Variants in OSGEPL1 observed in about 807,000 individuals in gnomAD.
The protein encoded by OSGEPL1 is O-sialoglycoprotein endopeptidase like 1.
In OSGEPL1, 26 loss-of-function variants were observed where a neutral mutation model predicts 37.2. That is an observed-to-expected ratio of 0.70 (90% CI 0.51 to 0.97). The LOEUF (loss-of-function observed/expected upper bound fraction) is 0.97, where lower values mean the gene tolerates loss of function less well. OSGEPL1 is among the 50% of genes least tolerant of loss of function. The pLI, the probability that OSGEPL1 is intolerant of heterozygous loss-of-function variation, is 0.00. For synonymous variants in OSGEPL1, 140 were observed against 159.9 expected, an observed-to-expected ratio of 0.88 and a Z score of 0.94; for missense variants, 404 against 487.0, an observed-to-expected ratio of 0.83 and a Z score of 1.60.
upstream of OSGEPL1, chr2:189,763,150 T>G (rs1225116): frequency 1 from 980,823 of 985,084 alleles, 488,401 homozygotes; most frequent in East Asian, 1. Context: ...AAATCTAAAC[T>G]TAGGGGTGAG....
rs747608806 is a variant in OSGEPL1 at position 189,746,673 on chromosome 2, T to A, written c.*524A>T. The A allele has an allele frequency of 3.3e-6, 5 of 1,517,854 alleles. No individual in the cohort carries two copies. The highest frequency in any genetic ancestry group is 2.7e-5 in the South Asian group (2 of 74,112). The allele number at this position is 1,517,854 out of a possible 1,614,324, so 94.0% of individuals were successfully genotyped here. A position where few individuals can be genotyped will look rare whatever the true frequency, so the allele number is the denominator to read the frequency against. ...GGATTCCTGAGCCATCTTTTAAAAATTTTTTTATTTTTAATAATGGTAATA... is the reference window on the plus strand; with the variant it reads ...GGATTCCTGAGCCATCTTTTAAAAAATTTTTTATTTTTAATAATGGTAATA... On this transcript the variant is annotated 3_prime_UTR_variant, in exon 9 of 9. Transcript: ENST00000264151.
intron 8 of OSGEPL1, among the ~76,000 whole-genome samples, chr2:189,748,371 T>A (rs2044495489): frequency 6.6e-6 from 1 of 152,054 alleles, no homozygotes; most frequent in Non-Finnish European, 1.5e-5. Flanking sequence ...TTATGCTGAG[T>A]GTGGTGGTAC....
At chr2:189,749,244 TAAAAAAA>T (rs397987026) in intron 8 of OSGEPL1, among the ~76,000 whole-genome samples, 1 of 63,254 alleles carries the variant, frequency 1.6e-5, no homozygotes, top group Non-Finnish European at 2.7e-5. Flanking sequence ...AGACTCTGTC[TAAAAAAA>T]AAAAAAAAAA....
At position 189,752,955 on chromosome 2, in the gene OSGEPL1, T is replaced by C. The variant is rs748107005; in HGVS notation, c.988A>G (p.Asn330Asp). 6.2e-7 allele frequency: 1 copy of C among 1,612,668 alleles called. No homozygotes were observed. Among genetic ancestry groups the C allele is most frequent in the Non-Finnish European group, 8.5e-7 (1 of 1,179,518 alleles). Residue 330 changes from asparagine to aspartate, a missense_variant, in exon 6 of 9, where the codon AAC (asparagine) becomes GAC (aspartate). Asn to Asp is a conservative substitution (Grantham distance 23). Coordinates refer to ENST00000264151, the MANE Select transcript of OSGEPL1 (RefSeq NM_022353.3). ...TCCAGAGCTCTGCGGATATAGAAGT[T>C]ACTTGCGACACCACCAGATGCAACC... ...VLVASGGVAS[N>D]FYIRRALEIL... is the part of the protein sequence containing the mutation.
chr2:189,752,811 C>T, intron 6 of OSGEPL1, 38 bp downstream of exon 6: 1 of 1,613,306 alleles, frequency 6.2e-7, no homozygotes, highest in Non-Finnish European at 8.5e-7. Context: ...TTAATATTTA[C>T]ATAGTTATGA....
rs377465918 is a variant in OSGEPL1, at chr2:189,755,504, C to G, written c.278G>C (p.Arg93Pro). The G allele has an allele frequency of 1.2e-6, 2 of 1,601,788 alleles. No individual in the cohort carries two copies. Among genetic ancestry groups the G allele is most frequent in the Non-Finnish European group, 1.7e-6 (2 of 1,176,756 alleles). ...AQQLHRENIQ[R>P]IVQEALSASG... ...GGCAGAAAGAGCTTCTTGTACTATT[C>G]GTTGAATATTTTCTCTGTGAAGCTG... Residue 93 changes from arginine to proline, a missense_variant, in exon 3 of 9, where the codon CGA becomes CCA. By Grantham distance (103) the Arg-to-Pro change is moderately radical (BLOSUM62 -2). Coordinates refer to ENST00000264151, the MANE Select transcript of OSGEPL1 (RefSeq NM_022353.3).
intron 8 of OSGEPL1, among the ~76,000 whole-genome samples, chr2:189,748,955 T>A (rs114745029): frequency 0.016 from 2,478 of 152,244 alleles, 66 homozygotes; most frequent in African/African-American, 0.056. Context: ...CTATAAAGAT[T>A]ATTTTTATTG....
intron 2 of OSGEPL1, among the ~76,000 whole-genome samples, chr2:189,757,726 A>G (rs899066523): frequency 6.6e-6 from 1 of 152,216 alleles, no homozygotes; most frequent in Non-Finnish European, 1.5e-5. Flanking sequence ...GGCAAGAGTC[A>G]TATGTCTCAT....
intron 7 of OSGEPL1, among the ~76,000 whole-genome samples, chr2:189,751,822 A>G (rs1472103800): frequency 1.3e-4 from 2 of 15,606 alleles, no homozygotes; most frequent in Non-Finnish European, 3.4e-4. Context: ...GTCTTTTACT[A>G]TTCCAGAATT....
upstream of OSGEPL1, chr2:189,762,886 G>T (rs1000017156): frequency 3.0e-6 from 3 of 985,308 alleles, no homozygotes; most frequent in African/African-American, 5.2e-5. Context: ...GGCCGTCTTT[G>T]CCCAAAACGC....
chr2:189,747,680 TTTAC>T (rs1369215902), intron 8 of OSGEPL1, among the ~76,000 whole-genome samples: 44 of 151,928 alleles, frequency 2.9e-4, no homozygotes, highest in African/African-American at 9.4e-4. Flanking sequence ...TGTACTTTAT[TTTAC>T]TTACTTACTT....
At chr2:189,755,006 A>C in intron 3 of OSGEPL1, 167 bp downstream of exon 3, 1 of 732,934 alleles carries the variant, frequency 1.4e-6, no homozygotes, top group East Asian at 2.8e-5. Context: ...AAGAATTATA[A>C]AATTGTGTAC....
rs1574951789 is a variant in OSGEPL1, at chr2:189,762,783, C to T, written c.-119G>A. The T allele has an allele frequency of 2.0e-6, 2 of 985,434 alleles. No individual in the cohort carries two copies. The highest frequency in any genetic ancestry group is 2.4e-6 in the Non-Finnish European group (2 of 830,046). 61.0% of individuals were successfully genotyped at this position (985,434 alleles called of 1,614,324 possible). The stretch of plus-strand genomic sequence containing the variant: ...CAGGAGAAAGCCCGAACCTGGCGCC[C>T]GGAAGTGATGTCATCGGAACTGTGC... On this transcript the variant is annotated 5_prime_UTR_variant, in exon 1 of 9. Coordinates refer to ENST00000264151, the MANE Select transcript of OSGEPL1 (RefSeq NM_022353.3).
intron 2 of OSGEPL1, among the ~76,000 whole-genome samples, chr2:189,759,160 A>T (rs1457814167): frequency 6.6e-6 from 1 of 152,134 alleles, no homozygotes; most frequent in African/African-American, 2.4e-5. Flanking sequence ...AGTCCCTTTC[A>T]CATAGTTATT....
chr2:189,754,338 C>A lies in OSGEPL1; in HGVS notation c.617G>T (p.Arg206Ile), dbSNP rs1370374829. Reference protein sequence around the residue: ...APGDMLDKVARRLSLIKHPEC... With the variant: ...APGDMLDKVAIRLSLIKHPEC... ...TGGATGTTTTATTAAAGAAAGTCTT[C>A]TTGCCACCTATCAAAGAAACATATT... Residue 206 changes from arginine to isoleucine, a missense_variant, in exon 4 of 9, where the codon AGA becomes ATA. By Grantham distance (97) the Arg-to-Ile change is moderately conservative (BLOSUM62 -3). Transcript: ENST00000264151. The A allele has an allele frequency of 6.2e-7, 1 of 1,600,768 alleles. No individual in the cohort carries two copies. The highest frequency in any genetic ancestry group is 1.1e-5 in the South Asian group (1 of 88,078).
chr2:189,759,636 T>C (rs2046677816), intron 2 of OSGEPL1, among the ~76,000 whole-genome samples: 1 of 152,234 alleles, frequency 6.6e-6, no homozygotes, highest in Admixed American at 6.5e-5. Flanking sequence ...AAGTGCTTAA[T>C]TCAGGATTCA....
At chr2:189,760,802 GAAA>G (rs376762507) in intron 2 of OSGEPL1, among the ~76,000 whole-genome samples, 2 of 147,716 alleles carry the variant, frequency 1.4e-5, no homozygotes, top group Non-Finnish European at 3.0e-5. Flanking sequence ...CAAAAAAAAA[GAAA>G]AAAAAAATCT....
At chr2:189,752,009 C>T (rs1157566413) in intron 7 of OSGEPL1, among the ~76,000 whole-genome samples, 1 of 151,458 alleles carries the variant, frequency 6.6e-6, no homozygotes, top group African/African-American at 2.4e-5. Flanking sequence ...CTGGGCACAG[C>T]TGTGTGAACC....
intron 2 of OSGEPL1, among the ~76,000 whole-genome samples, chr2:189,755,852 G>T (rs933180933): frequency 1.3e-5 from 2 of 152,158 alleles, no homozygotes; most frequent in Non-Finnish European, 2.9e-5. Context: ...TACAAGTTTT[G>T]AGCATGGGAA....
Sources: gnomAD v4.1 joint callset for allele counts (sites outside exome capture counted in the v4.1 genomes callset) on GRCh38, gnomAD v4.1.1 for gene constraint, MANE v1.5 for transcripts, NCBI Gene and HGNC (gene_info 2026-07-23, HGNC 2026-07-21) for gene names.